Variants in SMAD3 observed in about 807,000 individuals in gnomAD.
The protein encoded by SMAD3 is MAD homolog 3.
A neutral mutation model predicts 51.8 loss-of-function variants in SMAD3; 12 were observed. The ratio of observed to expected loss-of-function variants is 0.23; its 90% CI spans 0.15 to 0.38. The LOEUF (loss-of-function observed/expected upper bound fraction) is 0.38. Among genes scored for constraint, SMAD3 ranks in the 10% least tolerant of loss-of-function variants. The pLI is 1.00. For missense variants in SMAD3, 294 were observed against 565.6 expected (o/e 0.52, Z 4.87); for synonymous variants, 238 against 227.7 (o/e 1.05, Z -0.41).
At chr15:67,165,138 C>G in intron 2 of SMAD3, 50 bp downstream of exon 2, 1 of 1,609,668 alleles carries the variant, frequency 6.2e-7, no homozygotes, top group South Asian at 1.1e-5. Flanking sequence ...GGGGTCATCA[C>G]CTCTCCCCGG....
At chr15:67,182,513 G>C (rs577585241) in intron 6 of SMAD3, among the ~76,000 whole-genome samples, 1 of 152,266 alleles carries the variant, frequency 6.6e-6, no homozygotes, top group Admixed American at 6.5e-5. Context: ...GTTAGCAAAG[G>C]GAAGCCTGGT....
intron 1 of SMAD3, among the ~76,000 whole-genome samples, chr15:67,076,659 G>A (rs1010903843): frequency 6.6e-6 from 1 of 152,220 alleles, no homozygotes; most frequent in Non-Finnish European, 1.5e-5. Flanking sequence ...CCACCTGGCT[G>A]TGCTCCTCTT....
chr15:67,189,893 C>T (rs1963315487), intron 8 of SMAD3, among the ~76,000 whole-genome samples: 1 of 152,016 alleles, frequency 6.6e-6, no homozygotes. Context: ...AGAATTATAT[C>T]AGCACATTGG....
intron 1 of SMAD3, among the ~76,000 whole-genome samples, chr15:67,090,440 C>A (rs1043654667): frequency 1.3e-5 from 2 of 152,068 alleles, no homozygotes; most frequent in African/African-American, 4.8e-5. Context: ...ATCATCTAGC[C>A]CAACCCCATC....
chr15:67,099,127 C>T lies in SMAD3; in HGVS notation c.206+32767C>T. 4 of 658,524 alleles carry T rather than the reference C, an allele frequency of 6.1e-6. 1 individual carries two copies. The South Asian group carries it at 6.7e-5, about 11-fold the overall frequency. The allele number at this position is 658,524 out of a possible 1,614,324, so 40.8% of individuals were successfully genotyped here. A position where few individuals can be genotyped will look rare whatever the true frequency, so the allele number is the denominator to read the frequency against. ...TGACTTCTGCATTCCTGGGAATACACTGACATGAGAAGAAGTAGCCGCTCT... is the reference window on the plus strand; with the variant it reads ...TGACTTCTGCATTCCTGGGAATACATTGACATGAGAAGAAGTAGCCGCTCT... On this transcript the variant is annotated intron_variant, in intron 1 of 8. Coordinates refer to ENST00000327367, the MANE Select transcript of SMAD3 (RefSeq NM_005902.4).
At chr15:67,097,536 C>T (rs1368601876) in intron 1 of SMAD3, among the ~76,000 whole-genome samples, 5 of 152,088 alleles carry the variant, frequency 3.3e-5, no homozygotes, top group Non-Finnish European at 5.9e-5. Context: ...TGAGCCACTG[C>T]GCCCGGCCTT....
In SMAD3 at chr15:67,087,807, T is replaced by C. The variant is rs143127386; in HGVS notation, c.206+21447T>C. Among the ~76,000 whole-genome samples, 351 of 152,336 alleles carry C rather than the reference T, an allele frequency of 2.3e-3. 13 individuals are homozygous for C. Among genetic ancestry groups the C allele is most frequent in the Admixed American group, 0.02 (309 of 15,292 alleles). The stretch of plus-strand genomic sequence containing the variant: ...GTGCATGTGTTTAAAAAAAGACTTA[T>C]ATTTTCTGGGCAGCAGAACTTAAGT... On this transcript the variant is annotated intron_variant, in intron 1 of 8. Coordinates refer to ENST00000327367, the MANE Select transcript of SMAD3 (RefSeq NM_005902.4).
intron 1 of SMAD3, among the ~76,000 whole-genome samples, chr15:67,148,471 C>T (rs2140273944): frequency 6.6e-6 from 1 of 152,332 alleles, no homozygotes; most frequent in South Asian, 2.1e-4. Context: ...TAATGTCTGC[C>T]TACAACCTTA....
At chr15:67,142,207 C>G (rs1325815871) in intron 1 of SMAD3, among the ~76,000 whole-genome samples, 3 of 151,052 alleles carry the variant, frequency 2.0e-5, no homozygotes, top group Admixed American at 6.6e-5. Context: ...ACACCCCCCC[C>G]ACCATTGTTT....
At chr15:67,130,398 A>G (rs2140252068) in intron 1 of SMAD3, among the ~76,000 whole-genome samples, 1 of 152,316 alleles carries the variant, frequency 6.6e-6, no homozygotes. Flanking sequence ...GTCTCGTAGT[A>G]GTAGGTGAGT....
At chr15:67,068,730 G>C (rs965796503) in intron 1 of SMAD3, among the ~76,000 whole-genome samples, 13 of 151,964 alleles carry the variant, frequency 8.6e-5, no homozygotes, top group Non-Finnish European at 1.6e-4. Flanking sequence ...TTGTGCCCAC[G>C]CCTCTGGGTC....
intron 1 of SMAD3, chr15:67,138,276 GA>G: frequency 1.7e-6 from 1 of 576,202 alleles, no homozygotes; most frequent in Non-Finnish European, 3.1e-6. Flanking sequence ...CTGTGTGGGT[GA>G]AGCAGAGGCG....
chr15:67,121,538 G>C (rs1807151245), intron 1 of SMAD3, among the ~76,000 whole-genome samples: 1 of 152,194 alleles, frequency 6.6e-6, no homozygotes, highest in South Asian at 2.1e-4. Flanking sequence ...GCTTGCTCTT[G>C]GGGCAGTTTG....
intron 1 of SMAD3, among the ~76,000 whole-genome samples, chr15:67,098,176 A>C (rs1960655962): frequency 6.6e-6 from 1 of 152,146 alleles, no homozygotes; most frequent in Non-Finnish European, 1.5e-5. Context: ...TGTTTCTTTA[A>C]GTGCTGCTCA....
At chr15:67,088,534 T>G (rs988176267) in intron 1 of SMAD3, among the ~76,000 whole-genome samples, 2 of 152,062 alleles carry the variant, frequency 1.3e-5, no homozygotes, top group African/African-American at 2.4e-5. Context: ...GGAAACACAG[T>G]GGTGTTTGGC....
intron 1 of SMAD3, among the ~76,000 whole-genome samples, chr15:67,079,072 G>A (rs898303626): frequency 2.0e-5 from 3 of 151,592 alleles, no homozygotes; most frequent in Non-Finnish European, 2.9e-5. Context: ...TCTGCTTCCC[G>A]GATTCAGGCT....
intron 1 of SMAD3, among the ~76,000 whole-genome samples, chr15:67,161,367 G>A (rs1809906136): frequency 6.6e-6 from 1 of 152,172 alleles, no homozygotes; most frequent in South Asian, 2.1e-4. Flanking sequence ...AGTGATTCAT[G>A]TATGATTAAT....
intron 5 of SMAD3, among the ~76,000 whole-genome samples, chr15:67,171,918 AG>A (rs754911667): frequency 6.6e-5 from 10 of 152,226 alleles, no homozygotes; most frequent in Non-Finnish European, 1.3e-4. Flanking sequence ...CCGGGCTTTC[AG>A]CTTTTGAGAT....
At chr15:67,132,938 T>C (rs1961561183) in intron 1 of SMAD3, among the ~76,000 whole-genome samples, 1 of 152,252 alleles carries the variant, frequency 6.6e-6, no homozygotes, top group Admixed American at 6.5e-5. Context: ...TGAAGCCTTA[T>C]GTCCTTCAGG....
Sources: allele counts gnomAD v4.1 joint callset (sites outside exome capture counted in the v4.1 genomes callset), GRCh38; gene constraint gnomAD v4.1.1; transcripts MANE v1.5; gene names NCBI Gene and HGNC (gene_info 2026-07-23, HGNC 2026-07-21).